Variants in NF2 observed in about 807,000 individuals in gnomAD.
The protein encoded by NF2 is merlin.
In NF2, 8 loss-of-function variants were observed where a neutral mutation model predicts 83.7. The observed-to-expected ratio is 0.10, with a 90% confidence interval of 0.06 to 0.17. The LOEUF (loss-of-function observed/expected upper bound fraction) is 0.17. NF2 is among the 10% of genes least tolerant of loss of function. The pLI is 1.00. For missense variants in NF2, 533 were observed against 744.4 expected (o/e 0.72, Z 3.31); for synonymous variants, 266 against 269.6 (o/e 0.99, Z 0.13).
intron 11 of NF2, 77 bp from the exon 12 acceptor site, chr22:29,673,192 A>C: frequency 6.8e-7 from 1 of 1,464,914 alleles, no homozygotes; most frequent in Non-Finnish European, 9.3e-7. Flanking sequence ...GGTTTGTCCC[A>C]TCTCAGTGTT....
intron 1 of NF2, among the ~76,000 whole-genome samples, chr22:29,610,033 TAGAGAGAGAG>T (rs3074485): frequency 2.0e-5 from 3 of 148,152 alleles, no homozygotes; most frequent in African/African-American, 7.4e-5. Flanking sequence ...AATAAATAAT[TAGAGAGAGAG>T]AGAGAGAGAG....
At position 29,671,943 on chromosome 22, in the gene NF2, G is replaced by A. The variant is rs761933185; in HGVS notation, c.1117G>A (p.Ala373Thr). 1.2e-6 allele frequency: 2 copies of A among 1,614,228 alleles called. No homozygotes were observed. Among genetic ancestry groups the A allele is most frequent in the Non-Finnish European group, 1.7e-6 (2 of 1,180,050 alleles). Residue 373 changes from alanine (A) to threonine (T), a missense_variant, in exon 11 of 16, where the codon GCA becomes ACA. Coordinates refer to ENST00000338641, the MANE Select transcript of NF2 (RefSeq NM_000268.4). The part of the protein sequence containing the change: ...MKEEATMANE[A>T]LMRSEETADL... ...AGAAGAAGCAACAATGGCCAACGAA[G>A]CACTGGTGATTTCTGAGGGGCTGGG...
At chr22:29,674,740 G>C (rs1159778256) in intron 12 of NF2, 96 bp from the exon 13 acceptor site, 33 of 1,047,950 alleles carry the variant, frequency 3.1e-5, no homozygotes, top group Non-Finnish European at 4.7e-5. Flanking sequence ...CCATCCTCAG[G>C]GTTAGCCCAG....
intron 9 of NF2, among the ~76,000 whole-genome samples, chr22:29,667,229 A>C (rs577072278): frequency 1.3e-5 from 2 of 152,080 alleles, no homozygotes; most frequent in African/African-American, 4.8e-5. Context: ...TCTCATTATC[A>C]AATGAACTTT....
chr22:29,632,965 C>G (rs1215844412), intron 1 of NF2, among the ~76,000 whole-genome samples: 1 of 152,112 alleles, frequency 6.6e-6, no homozygotes, highest in East Asian at 1.9e-4. Flanking sequence ...CCGTCCACAC[C>G]CCAAGACCTC....
intron 11 of NF2, 66 bp from the exon 12 acceptor site, chr22:29,673,203 C>T (rs2066855843): frequency 6.6e-7 from 1 of 1,511,560 alleles, no homozygotes; most frequent in Admixed American, 2.0e-5. Context: ...TCTCAGTGTT[C>T]AAGGCAGATC....
intron 1 of NF2, among the ~76,000 whole-genome samples, chr22:29,608,531 T>G (rs2064864880): frequency 6.6e-6 from 1 of 151,838 alleles, no homozygotes; most frequent in East Asian, 2.0e-4. Flanking sequence ...TAGTTGGGCA[T>G]GATGGCGGGT....
At position 29,603,874 on chromosome 22, in the gene NF2, C is replaced by A; in HGVS notation, c.-125C>A. On this transcript the variant is annotated 5_prime_UTR_variant, in exon 1 of 16. Coordinates refer to ENST00000338641, the MANE Select transcript of NF2 (RefSeq NM_000268.4). ...CCGCTGGGGACCCGCGCAGCCCAGA[C>A]CGTTCCCGGGCCGGGCAGCCGGCCA... is the stretch of plus-strand genomic sequence containing the variant. 1 of 718,060 alleles carries A rather than the reference C, an allele frequency of 1.4e-6. No individual in the cohort carries two copies. Among genetic ancestry groups the A allele is most frequent in the Non-Finnish European group, 2.3e-6 (1 of 435,660 alleles). The allele number at this position is 718,060 out of a possible 1,614,324, so 44.5% of individuals were successfully genotyped here.
In NF2 at chr22:29,681,469, G is replaced by A. The variant is rs2067132353; in HGVS notation, c.1605G>A (p.Leu535=). ...AATACATGGAAAAGAGCAAGCATCTGCAGGAGCAGCTCAATGAACTCAAGA... is the reference window on the plus strand; with the variant it reads ...AATACATGGAAAAGAGCAAGCATCTACAGGAGCAGCTCAATGAACTCAAGA... ...KVEYMEKSKH[L]QEQLNELKTE... is the part of the protein sequence containing the mutation. The change falls in exon 15 of 16, where the codon CTG becomes CTA. Residue 535 remains leucine (L), a synonymous_variant. Transcript: ENST00000338641. 2 of 1,614,140 alleles carry A rather than the reference G, an allele frequency of 1.2e-6. No individual in the cohort carries two copies. Among genetic ancestry groups the A allele is most frequent in the East Asian group, 4.5e-5 (2 of 44,878 alleles).
intron 4 of NF2, among the ~76,000 whole-genome samples, chr22:29,645,836 A>G (rs1158187082): frequency 2.0e-5 from 3 of 152,210 alleles, no homozygotes; most frequent in African/African-American, 7.2e-5. Flanking sequence ...TTTGGATCGT[A>G]CTAATTTGGA....
At chr22:29,672,529 G>A (rs1265403290) in intron 11 of NF2, among the ~76,000 whole-genome samples, 2 of 151,834 alleles carry the variant, frequency 1.3e-5, no homozygotes, top group Non-Finnish European at 2.9e-5. Context: ...GGTCAGGCTG[G>A]TTTCGAACTC....
chr22:29,608,302 A>G (rs2064857767), intron 1 of NF2, among the ~76,000 whole-genome samples: 2 of 150,172 alleles, frequency 1.3e-5, no homozygotes, highest in African/African-American at 4.9e-5. Context: ...TTTTTGAGAC[A>G]GAGTCTCGCT....
At chr22:29,674,704 A>T in intron 12 of NF2, 132 bp from the exon 13 acceptor site, 1 of 738,500 alleles carries the variant, frequency 1.4e-6, no homozygotes, top group African/African-American at 1.7e-5. Flanking sequence ...TCCCTGTCTC[A>T]CTGTCCTTTT....
At chr22:29,613,025 C>T (rs563885548) in intron 1 of NF2, among the ~76,000 whole-genome samples, 1 of 151,682 alleles carries the variant, frequency 6.6e-6, no homozygotes, top group South Asian at 2.1e-4. Context: ...ACCTGGGAGG[C>T]GGAGCTTGCG....
intron 1 of NF2, 136 bp downstream of exon 1, chr22:29,604,248 A>AT (rs2064724980): frequency 1.4e-6 from 1 of 718,496 alleles, no homozygotes; most frequent in Non-Finnish European, 2.5e-6. Context: ...ACCTCATGTT[A>AT]AAGATGATTG....
chr22:29,660,728 A>T (rs985784639), intron 7 of NF2, among the ~76,000 whole-genome samples: 1 of 149,522 alleles, frequency 6.7e-6, no homozygotes, highest in Non-Finnish European at 1.5e-5. Context: ...ATGCCCGGCT[A>T]ATTTTTTTGT....
Position 29,694,750 on chromosome 22 carries a change from AGCTCACCTT to A in NF2, c.1739_1747del (p.Leu580_Leu582del), listed in dbSNP as rs1060503674. ...CTCAGCTTCTTCTCTGCTTTCTTACAGCTCACCTTGCAGAGCGCCAAGTCCCGAGTGGCC... is the reference window on the plus strand; with the variant it reads ...CTCAGCTTCTTCTCTGCTTTCTTACAGCAGAGCGCCAAGTCCCGAGTGGCC... On this transcript the variant is annotated splice_acceptor_variant and coding_sequence_variant, in exon 16 of 16. Transcript: ENST00000338641. LOFTEE classifies it high-confidence loss of function. This position sits in a 1 kb window ranked among gnomAD's most constrained non-coding sequence, Gnocchi z 4.1. 1.2e-6 allele frequency: 2 copies of A among 1,613,592 alleles called. No homozygotes were observed.
At chr22:29,688,415 G>A (rs2147148355) in intron 15 of NF2, among the ~76,000 whole-genome samples, 2 of 152,350 alleles carry the variant, frequency 1.3e-5, no homozygotes, top group East Asian at 3.9e-4. Flanking sequence ...CTGTTCTCAT[G>A]ATCCTTGCTG....
chr22:29,639,780 G>T (rs2065752402), intron 3 of NF2, among the ~76,000 whole-genome samples: 1 of 150,826 alleles, frequency 6.6e-6, no homozygotes, highest in African/African-American at 2.4e-5. Context: ...TACTCGGGAG[G>T]CTGAGGCAGG....
Sources: allele counts gnomAD v4.1 joint callset (sites outside exome capture counted in the v4.1 genomes callset), GRCh38; gene constraint gnomAD v4.1.1; non-coding constraint Gnocchi (gnomAD v3.1); transcripts MANE v1.5; gene names NCBI Gene and HGNC (gene_info 2026-07-23, HGNC 2026-07-21).